NT5C2: variants seen among roughly 807,000 people sequenced by gnomAD.
NT5C2 encodes the protein 5'-nucleotidase, cytosolic II.
In NT5C2, 58 loss-of-function variants were observed where a neutral mutation model predicts 76.1. The ratio of observed to expected loss-of-function variants is 0.76; its 90% CI spans 0.62 to 0.95. The LOEUF is 0.95. Ranked by LOEUF, NT5C2 falls within the 40% of genes least tolerant of loss-of-function variation. The pLI is 0.00. For missense variants in NT5C2, 478 were observed against 690.3 expected (o/e 0.69, Z 3.45); for synonymous variants, 229 against 237.4 (o/e 0.96, Z 0.32).
At chr10:103,091,216 G>A (rs113618174) in intron 16 of NT5C2, among the ~76,000 whole-genome samples, 106 of 152,120 alleles carry the variant, frequency 7.0e-4, no homozygotes, top group African/African-American at 2.5e-3. Flanking sequence ...TTGTATTTCT[G>A]GTAGAGATGG....
intron 3 of NT5C2, among the ~76,000 whole-genome samples, chr10:103,144,160 G>T (rs1472499501): frequency 6.6e-6 from 1 of 152,098 alleles, no homozygotes; most frequent in Non-Finnish European, 1.5e-5. Context: ...ACTACTGAAG[G>T]CTTTTCAAAC....
intron 3 of NT5C2, among the ~76,000 whole-genome samples, chr10:103,144,965 T>A (rs1487075954): frequency 6.6e-6 from 1 of 152,208 alleles, no homozygotes; most frequent in Non-Finnish European, 1.5e-5. Flanking sequence ...TCTATTATGA[T>A]ATTTATAAAA....
At chr10:103,091,148 C>T (rs2066733276) in intron 16 of NT5C2, 152 bp from the exon 17 acceptor site, 6 of 663,704 alleles carry the variant, frequency 9.0e-6, no homozygotes, top group Admixed American at 2.6e-5. Context: ...GATTCTCCTG[C>T]CTCAGCCACC....
intron 1 of NT5C2, among the ~76,000 whole-genome samples, chr10:103,188,394 A>G (rs1410740151): frequency 6.7e-6 from 1 of 149,392 alleles, no homozygotes; most frequent in Admixed American, 6.6e-5. Flanking sequence ...AACTAAGCAG[A>G]AAAAAATACG....
At chr10:103,106,804 C>G (rs775500556) in intron 4 of NT5C2, 98 bp from the exon 5 acceptor site, 16 of 770,966 alleles carry the variant, frequency 2.1e-5, no homozygotes, top group Non-Finnish European at 2.9e-5. Flanking sequence ...GTTCTTCCCC[C>G]CTCCTAATTC....
intron 3 of NT5C2, among the ~76,000 whole-genome samples, chr10:103,155,136 T>C (rs557968023): frequency 6.6e-6 from 1 of 152,310 alleles, no homozygotes; most frequent in South Asian, 2.1e-4. Context: ...ATACCAGTGA[T>C]ACAAAGATAA....
intron 4 of NT5C2, among the ~76,000 whole-genome samples, chr10:103,107,385 G>A (rs2071568111): frequency 6.6e-6 from 1 of 152,166 alleles, no homozygotes; most frequent in Non-Finnish European, 1.5e-5. Flanking sequence ...GTTAGATATT[G>A]AAGAATTGGT....
At chr10:103,142,176 T>C (rs551373414) in intron 3 of NT5C2, among the ~76,000 whole-genome samples, 77 of 152,202 alleles carry the variant, frequency 5.1e-4, no homozygotes, top group Non-Finnish European at 1.0e-3. Flanking sequence ...ATAAAAGCTA[T>C]GAAAGGTTAG....
chr10:103,100,077 T>C (rs937343332), intron 8 of NT5C2, 58 bp from the exon 9 acceptor site: 2 of 1,176,126 alleles, frequency 1.7e-6, no homozygotes, highest in East Asian at 2.4e-5. Context: ...ACAAAATATA[T>C]ATCAAAAATT....
intron 3 of NT5C2, chr10:103,169,409 G>C (rs2087252730): frequency 6.6e-6 from 1 of 152,046 alleles, no homozygotes; most frequent in Admixed American, 6.6e-5. Flanking sequence ...TTGAGAACAA[G>C]AGTTCAAGAT....
chr10:103,175,078 C>A, intron 2 of NT5C2, 96 bp from the exon 3 acceptor site: 1 of 675,550 alleles, frequency 1.5e-6, no homozygotes. Context: ...AGCTTGCAAA[C>A]TGCCTAATAT....
intron 15 of NT5C2, among the ~76,000 whole-genome samples, chr10:103,092,818 G>A (rs2067250178): frequency 6.6e-6 from 1 of 152,140 alleles, no homozygotes; most frequent in Non-Finnish European, 1.5e-5. Flanking sequence ...GCATGGTTGG[G>A]GAAATATGGG....
At chr10:103,145,360 T>C (rs2081293633) in intron 3 of NT5C2, among the ~76,000 whole-genome samples, 1 of 152,132 alleles carries the variant, frequency 6.6e-6, no homozygotes, top group Admixed American at 6.5e-5. Flanking sequence ...AAGTGTTAGG[T>C]ACTATATCAA....
At chr10:103,181,402 TC>T (rs1248806660) in intron 1 of NT5C2, 74 bp from the exon 2 acceptor site, 1 of 150,310 alleles carries the variant, frequency 6.7e-6, no homozygotes, top group Non-Finnish European at 1.5e-5. Flanking sequence ...ACCATCACCC[TC>T]CCCCAAAGAA....
rs751395114 is a variant in NT5C2, at chr10:103,174,891, G to A, written c.68C>T (p.Ala23Val). 5 of 1,613,082 alleles carry A rather than the reference G, an allele frequency of 3.1e-6. No individual in the cohort carries two copies. The Admixed American group carries it at 6.7e-5, about 22-fold the overall frequency. Residue 23 changes from alanine to valine, a missense_variant, in exon 3 of 19, where the codon GCC becomes GTC. Coordinates refer to ENST00000404739, the MANE Select transcript of NT5C2 (RefSeq NM_001351169.2). ...GGCTTCTCGACGATACTTTTTCAGGGCATGCTTATCCATGTTAGCAGGCAT... is the reference window on the plus strand; with the variant it reads ...GGCTTCTCGACGATACTTTTTCAGGACATGCTTATCCATGTTAGCAGGCAT... ...ADMPANMDKHALKKYRREAYH... is the reference protein window; with the variant it reads ...ADMPANMDKHVLKKYRREAYH...
intron 12 of NT5C2, among the ~76,000 whole-genome samples, chr10:103,094,813 G>A (rs1416854118): frequency 6.6e-6 from 1 of 151,532 alleles, no homozygotes; most frequent in Non-Finnish European, 1.5e-5. Context: ...ACCTAGGAGG[G>A]GGAGGTTGCA....
intron 3 of NT5C2, among the ~76,000 whole-genome samples, chr10:103,161,126 C>T (rs1286317568): frequency 6.6e-6 from 1 of 152,150 alleles, no homozygotes; most frequent in African/African-American, 2.4e-5. Context: ...GTGGAAGCAA[C>T]CCAAATGTTA....
At chr10:103,100,845 G>A (rs1365918739) in intron 8 of NT5C2, 200 bp downstream of exon 8, 2 of 678,382 alleles carry the variant, frequency 2.9e-6, no homozygotes, top group Non-Finnish European at 5.4e-6. Flanking sequence ...CACTGGCAAG[G>A]AGAGGGGCCG....
At chr10:103,135,832 C>T (rs2079087897) in intron 4 of NT5C2, among the ~76,000 whole-genome samples, 1 of 152,064 alleles carries the variant, frequency 6.6e-6, no homozygotes, top group South Asian at 2.1e-4. Flanking sequence ...TGCCTGTAAT[C>T]CCAGCACTTT....
Sources: allele counts gnomAD v4.1 joint callset (sites outside exome capture counted in the v4.1 genomes callset), GRCh38; gene constraint gnomAD v4.1.1; transcripts MANE v1.5; gene names NCBI Gene and HGNC (gene_info 2026-07-23, HGNC 2026-07-21).